The following SANBR variants were observed in gnomAD, a reference collection of about 807,000 sequenced individuals.
The protein encoded by SANBR is SANT and BTB domain regulator of CSR, also known as SANT and BTB domain regulator of class switch recombination.
Under a neutral mutation model 101.8 loss-of-function variants are expected in SANBR, and 77 were observed. That is an observed-to-expected ratio of 0.76 (90% CI 0.63 to 0.91). The LOEUF (loss-of-function observed/expected upper bound fraction) is 0.91, where lower values mean the gene tolerates loss of function less well. SANBR is among the 40% of genes least tolerant of loss of function. The probability of loss-of-function intolerance (pLI) is 0.00; values close to 1 mark genes in which losing one functional copy is unlikely to be tolerated. For missense variants in SANBR, 875 were observed against 853.0 expected (o/e 1.03, Z -0.32); for synonymous variants, 279 against 274.7 (o/e 1.02, Z -0.15).
downstream of SANBR, among the ~76,000 whole-genome samples, chr2:61,126,860 T>C (rs1164656750): frequency 6.6e-6 from 1 of 152,092 alleles, no homozygotes; most frequent in Admixed American, 6.5e-5. Context: ...TTCCATCTTA[T>C]TTACTACGCT....
chr2:61,117,796 T>G (rs1684146451), intron 19 of SANBR, among the ~76,000 whole-genome samples: 1 of 152,220 alleles, frequency 6.6e-6, no homozygotes, highest in Non-Finnish European at 1.5e-5. Context: ...TAAAGATGAC[T>G]GAATATGTTT....
intron 14 of SANBR, 68 bp downstream of exon 14, chr2:61,106,730 A>G (rs1178729935): frequency 3.1e-6 from 3 of 970,572 alleles, no homozygotes; most frequent in Non-Finnish European, 3.1e-6. Flanking sequence ...CTTTGACAGG[A>G]ACCTGATCAG....
chr2:61,129,444 CA>C (rs34073185), intron 20 of SANBR, among the ~76,000 whole-genome samples: 24 of 143,956 alleles, frequency 1.7e-4, no homozygotes, highest in Admixed American at 9.8e-4. Flanking sequence ...AACTCCATCT[CA>C]AAAAAAAAAA....
intron 11 of SANBR, chr2:61,094,115 T>A (rs968676763): frequency 5.3e-5 from 52 of 975,376 alleles, no homozygotes; most frequent in Non-Finnish European, 6.1e-5. Context: ...ATGGGTTCTG[T>A]GTTCCCACAA....
At position 61,098,881 on chromosome 2, in the gene SANBR, A is replaced by G. The variant is rs1376206302; in HGVS notation, c.1365+1029A>G. Reference sequence around the variant, plus strand: ...TTACAGCTGAGGCAGTAATAACAAAAGGGAAAAAAGCACCCAAAGAAATGT... The same window carrying G: ...TTACAGCTGAGGCAGTAATAACAAAGGGGAAAAAAGCACCCAAAGAAATGT... On this transcript the variant is annotated intron_variant, in intron 12 of 21. Transcript: ENST00000402291. Among the ~76,000 whole-genome samples the G allele has an allele frequency of 2.0e-5, 3 of 152,232 alleles. No individual in the cohort carries two copies. In the East Asian group the frequency reaches 5.8e-4, roughly 29 times the overall value.
chr2:61,116,734 A>G (rs898504970), intron 17 of SANBR, among the ~76,000 whole-genome samples: 7 of 152,240 alleles, frequency 4.6e-5, no homozygotes, highest in Middle Eastern at 3.4e-3. Context: ...GCACAGGCAT[A>G]TAAGTGGGTT....
At chr2:61,082,304 C>A (rs1348639153) in intron 7 of SANBR, among the ~76,000 whole-genome samples, 1 of 152,082 alleles carries the variant, frequency 6.6e-6, no homozygotes, top group African/African-American at 2.4e-5. Flanking sequence ...GAAATCTAAG[C>A]CCTAAAGGAT....
chr2:61,083,155 T>C lies in SANBR; in HGVS notation c.731T>C (p.Val244Ala), dbSNP rs138375684. ...SSEFLKMDSL[V>A]EQCIQYCHKN... ...CATTTATTTTCTATGATTTTTTAGG[T>C]TGAACAGTGTATTCAGTATTGCCAC... Residue 244 changes from valine to alanine, a missense_variant and splice_region_variant, in exon 8 of 22, where the codon GTT becomes GCT. Transcript: ENST00000402291. 2 of 1,604,696 alleles carry C rather than the reference T, an allele frequency of 1.2e-6. No individual in the cohort carries two copies. Among genetic ancestry groups the C allele is most frequent in the Non-Finnish European group, 1.7e-6 (2 of 1,174,140 alleles).
At chr2:61,113,272 A>C (rs371800061) in intron 16 of SANBR, among the ~76,000 whole-genome samples, 13 of 152,280 alleles carry the variant, frequency 8.5e-5, no homozygotes, top group African/African-American at 3.1e-4. Flanking sequence ...GAGTCCTCCA[A>C]AATTATTCTT....
At chr2:61,107,803 T>C (rs1317565525) in intron 14 of SANBR, among the ~76,000 whole-genome samples, 2 of 151,970 alleles carry the variant, frequency 1.3e-5, no homozygotes, top group African/African-American at 4.8e-5. Flanking sequence ...GGAGAATCGC[T>C]TAAACCCAGA....
chr2:61,108,894 C>G (rs538884781), intron 15 of SANBR, among the ~76,000 whole-genome samples: 4 of 152,106 alleles, frequency 2.6e-5, no homozygotes, highest in South Asian at 2.1e-4. Flanking sequence ...GTAATTTAAT[C>G]TTAATATCAA....
intron 21 of SANBR, among the ~76,000 whole-genome samples, chr2:61,136,044 C>T (rs961386196): frequency 2.0e-5 from 3 of 152,212 alleles, no homozygotes; most frequent in Admixed American, 1.3e-4. Flanking sequence ...TTGCCTCAGG[C>T]CTGTAATCCC....
At chr2:61,079,101 TTTG>T (rs1376467568) in intron 6 of SANBR, among the ~76,000 whole-genome samples, 1 of 152,174 alleles carries the variant, frequency 6.6e-6, no homozygotes, top group African/African-American at 2.4e-5. Context: ...AAATAGGTTT[TTTG>T]TTCTTTGTAA....
At chr2:61,069,282 C>T (rs906976238) in intron 2 of SANBR, among the ~76,000 whole-genome samples, 4 of 152,204 alleles carry the variant, frequency 2.6e-5, no homozygotes, top group Non-Finnish European at 5.9e-5. Flanking sequence ...CTTATATCAT[C>T]TTCAAAGTGC....
chr2:61,081,037 T>G (rs558600049), intron 6 of SANBR, among the ~76,000 whole-genome samples: 72 of 152,276 alleles, frequency 4.7e-4, no homozygotes, highest in Non-Finnish European at 8.2e-4. Flanking sequence ...TCTTTTAAAA[T>G]TAAATATTTG....
In SANBR at chr2:61,111,159, C is replaced by T. The variant is rs371619410; in HGVS notation, c.1744+1863C>T. Among the ~76,000 whole-genome samples the T allele has an allele frequency of 2.8e-4, 43 of 152,158 alleles. No individual in the cohort carries two copies. In the East Asian group the frequency reaches 6.4e-3, roughly 23 times the overall value. ...CTGTAATCCCAGCACTTTGGGAGGC[C>T]GAGGCGGGCGGATCACGAGCTCAGA... On this transcript the variant is annotated intron_variant, in intron 16 of 21. Transcript: ENST00000402291.
intron 12 of SANBR, 80 bp from the exon 13 acceptor site, chr2:61,103,773 C>CAAAGA: frequency 7.5e-7 from 1 of 1,332,112 alleles, no homozygotes; most frequent in Non-Finnish European, 1.0e-6. Flanking sequence ...TATGACTTGG[C>CAAAGA]AAAGAAAAGA....
intron 19 of SANBR, 152 bp from the exon 20 acceptor site, chr2:61,117,876 T>C (rs1169013790): frequency 1.5e-6 from 1 of 665,460 alleles, no homozygotes; most frequent in African/African-American, 1.8e-5. Context: ...ACTTGCTAAC[T>C]TAAATTCTTC....
At chr2:61,089,969 C>T (rs913481443) in intron 10 of SANBR, among the ~76,000 whole-genome samples, 1 of 152,004 alleles carries the variant, frequency 6.6e-6, no homozygotes, top group Non-Finnish European at 1.5e-5. Context: ...GAGTTTGAGA[C>T]CAGCCTGGGC....
Sources: gnomAD v4.1 joint callset for allele counts (sites outside exome capture counted in the v4.1 genomes callset) on GRCh38, gnomAD v4.1.1 for gene constraint, MANE v1.5 for transcripts, NCBI Gene and HGNC (gene_info 2026-07-23, HGNC 2026-07-21) for gene names.